MYH9: variants seen among roughly 807,000 people sequenced by gnomAD.
MYH9 encodes myosin heavy chain 9.
MYH9 carries 29 observed loss-of-function variants against 241.9 expected under a neutral mutation model. The observed-to-expected ratio is 0.12, with a 90% CI of 0.09 to 0.16. The LOEUF is 0.16. Among genes scored for constraint, MYH9 ranks in the 10% least tolerant of loss-of-function variants. MYH9 has a pLI of 1.00. For missense variants in MYH9, 1,803 were observed against 2,595.5 expected (o/e 0.69, Z 6.63); for synonymous variants, 1,047 against 1,062.6 (o/e 0.99, Z 0.29).
At chr22:36,326,021 C>T (rs932009485) in intron 5 of MYH9, among the ~76,000 whole-genome samples, 6 of 152,184 alleles carry the variant, frequency 3.9e-5, no homozygotes, top group Non-Finnish European at 7.3e-5. Flanking sequence ...ACGTGCAGCT[C>T]ACCTAGCGAG....
intron 1 of MYH9, among the ~76,000 whole-genome samples, chr22:36,374,697 A>T (rs1178257384): frequency 6.6e-6 from 1 of 152,194 alleles, no homozygotes; most frequent in African/African-American, 2.4e-5. Flanking sequence ...TGGGAGTGGA[A>T]TCCTGCACTC....
intron 1 of MYH9, among the ~76,000 whole-genome samples, chr22:36,383,181 C>T (rs889796063): frequency 1.3e-5 from 2 of 152,204 alleles, no homozygotes; most frequent in African/African-American, 4.8e-5. Flanking sequence ...GATCATGCTA[C>T]TGCACTATAG....
rs370815269 is a variant in MYH9, at chr22:36,297,083, C to T, written c.3101-69G>A. The T allele has an allele frequency of 4.6e-5, 72 of 1,550,722 alleles. No homozygotes were observed. In the East Asian group the frequency reaches 6.8e-4, roughly 15 times the overall value. The stretch of plus-strand genomic sequence containing the variant: ...TCTGTCTCCGTGTCAATTACTTATA[C>T]AAAATACTGAGCACTCGTTATGAAA... On this transcript the variant is annotated intron_variant, in intron 24 of 40. Coordinates refer to ENST00000216181, the MANE Select transcript of MYH9 (RefSeq NM_002473.6).
intron 12 of MYH9, 133 bp from the exon 13 acceptor site, chr22:36,314,451 A>G: frequency 9.0e-7 from 1 of 1,116,056 alleles, no homozygotes; most frequent in East Asian, 2.6e-5. Context: ...CTGCCTTTAG[A>G]GCCCGGATGC....
Position 36,306,643 on chromosome 22 carries a change from C to A in MYH9, c.1844-36G>T. On this transcript the variant is annotated intron_variant, in intron 15 of 40. Coordinates refer to ENST00000216181, the MANE Select transcript of MYH9 (RefSeq NM_002473.6). This position sits in a 1 kb window ranked among gnomAD's most constrained non-coding sequence, Gnocchi z 4.1. Reference sequence around the variant, plus strand: ...CACAGAGAACACGTGAGTGCCCACACAGTTGCAGCTGGGTGGTGGGGGAGC... The same window carrying A: ...CACAGAGAACACGTGAGTGCCCACAAAGTTGCAGCTGGGTGGTGGGGGAGC... 1 of 1,597,560 alleles carries A rather than the reference C, an allele frequency of 6.3e-7. No individual in the cohort carries two copies. The highest frequency in any genetic ancestry group is 8.5e-7 in the Non-Finnish European group (1 of 1,173,270).
chr22:36,314,011 A>G lies in MYH9; in HGVS notation c.1554+134T>C, dbSNP rs5756142. The G allele has an allele frequency of 0.61, 722,520 of 1,187,618 alleles. 232,022 individuals carry two copies. Among genetic ancestry groups the G allele is most frequent in the Non-Finnish European group, 0.67 (551,338 of 817,020 alleles). 73.6% of individuals were successfully genotyped at this position (1,187,618 alleles called of 1,614,324 possible). On this transcript the variant is annotated intron_variant, in intron 13 of 40. Transcript: ENST00000216181. ...CACTGGATCTCAGCCTTGGGGCTTC[A>G]TCCTCCGGGTGGCACCAAAAGGAAG...
chr22:36,304,240 G>A, intron 18 of MYH9, 85 bp from the exon 19 acceptor site: 1 of 1,435,392 alleles, frequency 7.0e-7, no homozygotes, highest in Middle Eastern at 1.7e-4. Context: ...CTGGAGGTGT[G>A]CCCTTCACCC....
In MYH9 at chr22:36,287,225, T is replaced by G. The variant is rs1448018671; in HGVS notation, c.4933-379A>C. On this transcript the variant is annotated intron_variant, in intron 34 of 40. Transcript: ENST00000216181. The stretch of plus-strand genomic sequence containing the variant: ...GCAGGAAACACCTTTCCTTTTGTTA[T>G]TCTCCTGTTACTTCTTTTAACACTA... 2.6e-5 allele frequency among the ~76,000 whole-genome samples: 4 copies of G among 152,332 alleles called. No homozygotes were observed. The East Asian group carries it at 7.7e-4, about 29-fold the overall frequency.
intron 38 of MYH9, among the ~76,000 whole-genome samples, 188 bp downstream of exon 38, chr22:36,284,933 G>A (rs560720863): frequency 6.6e-6 from 1 of 152,280 alleles, no homozygotes; most frequent in African/African-American, 2.4e-5. Context: ...AGAGAATCCT[G>A]TTCAAACCCC....
Position 36,288,626 on chromosome 22 carries a change from C to G in MYH9, c.4770+101G>C. The G allele has an allele frequency of 2.0e-6, 3 of 1,464,386 alleles. No individual in the cohort carries two copies. The highest frequency in any genetic ancestry group is 2.8e-6 in the Non-Finnish European group (3 of 1,059,298). 90.7% of individuals were successfully genotyped at this position (1,464,386 alleles called of 1,614,324 possible). On this transcript the variant is annotated intron_variant, in intron 33 of 40. Coordinates refer to ENST00000216181, the MANE Select transcript of MYH9 (RefSeq NM_002473.6). This position sits in a 1 kb window ranked among gnomAD's most constrained non-coding sequence, Gnocchi z 4.8. ...AGGAATATGGGAGGGGAGGCGTGGT[C>G]AAGGGGCCCTAACACAATCCAGGTG...
chr22:36,286,877 C>T (rs1376502989), intron 34 of MYH9, 31 bp from the exon 35 acceptor site: 11 of 1,602,016 alleles, frequency 6.9e-6, no homozygotes, highest in Non-Finnish European at 8.5e-6. Flanking sequence ...TGGCACCCCA[C>T]CCAGCTCCTT....
At chr22:36,370,549 C>G (rs569432535) in intron 1 of MYH9, among the ~76,000 whole-genome samples, 3 of 152,228 alleles carry the variant, frequency 2.0e-5, no homozygotes, top group Non-Finnish European at 2.9e-5. Context: ...TGGCAACGCA[C>G]GCTCGAACCG....
intron 6 of MYH9, 166 bp from the exon 7 acceptor site, chr22:36,321,987 A>C: frequency 1.5e-6 from 1 of 681,740 alleles, no homozygotes; most frequent in Non-Finnish European, 2.7e-6. Context: ...CTACGCCCAC[A>C]CCACACGGGA....
At chr22:36,296,016 C>CT (rs2016781907) in intron 25 of MYH9, among the ~76,000 whole-genome samples, 1 of 152,150 alleles carries the variant, frequency 6.6e-6, no homozygotes, top group Non-Finnish European at 1.5e-5. Context: ...GGAAATAAAA[C>CT]GCTACACCAC....
chr22:36,301,746 C>T lies in MYH9; in HGVS notation c.2500-81G>A, dbSNP rs923204666. Reference sequence around the variant, plus strand: ...CAACAGGTGTGAGGCCTCTCCCTCACCTCTGGAAACATGAAAGTGAGGGGC... The same window carrying T: ...CAACAGGTGTGAGGCCTCTCCCTCATCTCTGGAAACATGAAAGTGAGGGGC... On this transcript the variant is annotated intron_variant, in intron 20 of 40. Coordinates refer to ENST00000216181, the MANE Select transcript of MYH9 (RefSeq NM_002473.6). The T allele has an allele frequency of 3.2e-6, 5 of 1,576,116 alleles. No individual in the cohort carries two copies. In the East Asian group the frequency reaches 1.1e-4, roughly 36 times the overall value.
At chr22:36,290,406 A>G (rs1417099361) in intron 31 of MYH9, among the ~76,000 whole-genome samples, 1 of 151,958 alleles carries the variant, frequency 6.6e-6, no homozygotes, top group Non-Finnish European at 1.5e-5. Flanking sequence ...TAATTATAAT[A>G]ATGTAATGAT....
chr22:36,291,684 A>T (rs1353458652), intron 31 of MYH9, among the ~76,000 whole-genome samples: 14 of 43,282 alleles, frequency 3.2e-4, no homozygotes, highest in East Asian at 3.9e-3. Context: ...TAAAAAAATT[A>T]AAAAAAAAAA....
rs188765965 is a variant in MYH9 at position 36,318,637 on chromosome 22, T to C, written c.1109-312A>G. On this transcript the variant is annotated intron_variant, in intron 10 of 40. Transcript: ENST00000216181. ...TGGCTGGAGGCCACAGCGGCAGCAG[T>C]GGTTCCTCTGTCCACTCTCAGCCGC... Among the ~76,000 whole-genome samples the C allele has an allele frequency of 3.1e-3, 471 of 152,258 alleles. 1 individual carries two copies. Among genetic ancestry groups the C allele is most frequent in the Middle Eastern group, 0.014 (4 of 294 alleles).
intron 1 of MYH9, among the ~76,000 whole-genome samples, chr22:36,351,702 C>G (rs1457144376): frequency 6.6e-6 from 1 of 152,104 alleles, no homozygotes; most frequent in Non-Finnish European, 1.5e-5. Flanking sequence ...GCAGCAATCA[C>G]AGAACACAGG....
Sources: gnomAD v4.1 joint callset for allele counts (sites outside exome capture counted in the v4.1 genomes callset) on GRCh38, gnomAD v4.1.1 for gene constraint, Gnocchi (gnomAD v3.1) non-coding constraint, MANE v1.5 for transcripts, NCBI Gene and HGNC (gene_info 2026-07-23, HGNC 2026-07-21) for gene names.